Variants in SPOCK1 observed in about 807,000 individuals in gnomAD.
SPOCK1 encodes testican-1.
SPOCK1 carries 23 observed loss-of-function variants against 55.3 expected under a neutral mutation model. That is an observed-to-expected ratio of 0.42 (90% CI 0.30 to 0.59). The LOEUF (loss-of-function observed/expected upper bound fraction) is 0.59, where lower values mean the gene tolerates loss of function less well. SPOCK1 is among the 20% of genes least tolerant of loss of function. SPOCK1 has a pLI of 0.22. For missense variants in SPOCK1, 499 were observed against 552.5 expected (o/e 0.90, Z 0.97); for synonymous variants, 226 against 221.0 (o/e 1.02, Z -0.20).
At chr5:136,995,163 G>A (rs1421256752) in intron 6 of SPOCK1, among the ~76,000 whole-genome samples, 1 of 152,176 alleles carries the variant, frequency 6.6e-6, no homozygotes, top group Non-Finnish European at 1.5e-5. Flanking sequence ...AATCAGGTTA[G>A]CGATCATTTT....
At chr5:137,157,803 C>T (rs761122020) in intron 3 of SPOCK1, among the ~76,000 whole-genome samples, 1 of 152,206 alleles carries the variant, frequency 6.6e-6, no homozygotes, top group Non-Finnish European at 1.5e-5. Flanking sequence ...CTTACACCTG[C>T]AATCCCAGCA....
intron 2 of SPOCK1, among the ~76,000 whole-genome samples, chr5:137,286,097 T>C (rs914610504): frequency 3.9e-5 from 6 of 152,188 alleles, no homozygotes; most frequent in African/African-American, 1.4e-4. Context: ...TGGTCAATGC[T>C]GTTTTTACCA....
chr5:137,485,346 G>T (rs76553095), intron 2 of SPOCK1, among the ~76,000 whole-genome samples: 1 of 152,156 alleles, frequency 6.6e-6, no homozygotes, highest in Non-Finnish European at 1.5e-5. Context: ...TGTCTGACAC[G>T]TAATTGATAC....
chr5:137,203,984 C>T (rs1475445632), intron 3 of SPOCK1, among the ~76,000 whole-genome samples: 2 of 152,184 alleles, frequency 1.3e-5, no homozygotes, highest in Non-Finnish European at 2.9e-5. Flanking sequence ...GTTGGCAACA[C>T]ACAGAGTAAC....
chr5:137,412,982 A>G (rs76212350), intron 2 of SPOCK1, among the ~76,000 whole-genome samples: 2 of 124,340 alleles, frequency 1.6e-5, no homozygotes, highest in Non-Finnish European at 3.1e-5. Flanking sequence ...TGTTAAGTGG[A>G]AAAAAAAAAA....
At chr5:137,188,011 T>C (rs1755107911) in intron 3 of SPOCK1, among the ~76,000 whole-genome samples, 1 of 152,210 alleles carries the variant, frequency 6.6e-6, no homozygotes, top group African/African-American at 2.4e-5. Flanking sequence ...TATAAGGTTG[T>C]CTGATAAGAA....
intron 2 of SPOCK1, among the ~76,000 whole-genome samples, chr5:137,395,645 T>C (rs1353738523): frequency 6.6e-6 from 1 of 152,138 alleles, no homozygotes; most frequent in African/African-American, 2.4e-5. Context: ...TGCCCTGGAA[T>C]AAAGGAGAAG....
At chr5:137,118,465 C>T (rs1362840568) in intron 4 of SPOCK1, among the ~76,000 whole-genome samples, 1 of 151,936 alleles carries the variant, frequency 6.6e-6, no homozygotes, top group African/African-American at 2.4e-5. Context: ...TAAGATATCC[C>T]CACCCTCACC....
chr5:137,077,044 C>T (rs1752781789), intron 5 of SPOCK1, among the ~76,000 whole-genome samples: 1 of 152,164 alleles, frequency 6.6e-6, no homozygotes, highest in Admixed American at 6.5e-5. Context: ...CTGCCTCACC[C>T]TCCTAAGTAG....
chr5:137,136,646 T>C (rs769630958), intron 4 of SPOCK1, among the ~76,000 whole-genome samples: 1 of 152,206 alleles, frequency 6.6e-6, no homozygotes, highest in Non-Finnish European at 1.5e-5. Context: ...TCTCTACTTT[T>C]AATGTTTTCT....
chr5:137,309,174 A>G (rs1757748960), intron 2 of SPOCK1, among the ~76,000 whole-genome samples: 1 of 152,260 alleles, frequency 6.6e-6, no homozygotes, highest in South Asian at 2.1e-4. Flanking sequence ...TGAAGGATGC[A>G]TACATCATTG....
chr5:137,255,322 C>T (rs1756612742), intron 3 of SPOCK1, among the ~76,000 whole-genome samples: 1 of 152,196 alleles, frequency 6.6e-6, no homozygotes. Context: ...GAACATAGTG[C>T]TCTGTGTGTC....
chr5:137,131,775 A>G (rs2127045072), intron 4 of SPOCK1, among the ~76,000 whole-genome samples: 1 of 151,166 alleles, frequency 6.6e-6, no homozygotes, highest in Non-Finnish European at 1.5e-5. Context: ...GATCGAGACC[A>G]TCCTGGCTAA....
intron 2 of SPOCK1, among the ~76,000 whole-genome samples, chr5:137,321,197 G>GAAAAAAAAAAAAAAAAA (rs754227950): frequency 1.2e-5 from 1 of 83,106 alleles, no homozygotes; most frequent in Non-Finnish European, 2.6e-5. Context: ...ACACCAACCA[G>GAAAAAAAAAAAAAAAAA]AAAAAAAAAA....
intron 3 of SPOCK1, among the ~76,000 whole-genome samples, chr5:137,174,289 G>A (rs1754810692): frequency 6.6e-6 from 1 of 152,180 alleles, no homozygotes; most frequent in Non-Finnish European, 1.5e-5. Flanking sequence ...ACATCTAGCT[G>A]AAATCATTCC....
At chr5:137,106,520 G>A (rs1285518155) in intron 5 of SPOCK1, among the ~76,000 whole-genome samples, 2 of 152,090 alleles carry the variant, frequency 1.3e-5, no homozygotes, top group African/African-American at 4.8e-5. Context: ...GTCCTCCTGG[G>A]CTCGGAGCTG....
chr5:137,387,861 TA>T (rs35984363), intron 2 of SPOCK1, among the ~76,000 whole-genome samples: 60,322 of 149,056 alleles, frequency 0.4, 12,246 homozygotes, highest in African/African-American at 0.5. Flanking sequence ...TTAAAACTGC[TA>T]AAAAAAAAAA....
chr5:137,014,944 T>C (rs1751423249), intron 6 of SPOCK1, among the ~76,000 whole-genome samples: 1 of 152,176 alleles, frequency 6.6e-6, no homozygotes, highest in African/African-American at 2.4e-5. Context: ...GTCAAGCCCA[T>C]TTGGAGGTGA....
At position 137,282,098 on chromosome 5, in the gene SPOCK1, A is replaced by G. The variant is rs561976670; in HGVS notation, c.187-15043T>C. Among the ~76,000 whole-genome samples the G allele has an allele frequency of 2.0e-5, 3 of 152,316 alleles. No homozygotes were observed. In the South Asian group the frequency reaches 6.2e-4, roughly 32 times the overall value. On this transcript the variant is annotated intron_variant, in intron 2 of 10. Transcript: ENST00000394945. ...CGGGTTAACGGGAGGATTATTTGAG[A>G]CTTACATGCCAAACACCCAGCGCAT... is the stretch of plus-strand genomic sequence containing the variant.
Sources: gnomAD v4.1 joint callset for allele counts (sites outside exome capture counted in the v4.1 genomes callset) on GRCh38, gnomAD v4.1.1 for gene constraint, MANE v1.5 for transcripts, NCBI Gene and HGNC (gene_info 2026-07-23, HGNC 2026-07-21) for gene names.